Variants in ADGRA3 observed in about 807,000 individuals in gnomAD.
ADGRA3 encodes adhesion G protein-coupled receptor A3, also known as G-protein coupled receptor 125.
ADGRA3 carries 56 observed loss-of-function variants against 119.8 expected under a neutral mutation model. That is an observed-to-expected ratio of 0.47 (90% CI 0.38 to 0.58). The LOEUF (loss-of-function observed/expected upper bound fraction) is 0.58, where lower values mean the gene tolerates loss of function less well. ADGRA3 is among the 20% of genes least tolerant of loss of function. ADGRA3 has a pLI of 0.00. For missense variants in ADGRA3, 1,516 were observed against 1,649.0 expected (o/e 0.92, Z 1.40); for synonymous variants, 607 against 623.8 (o/e 0.97, Z 0.40).
At chr4:22,438,791 C>T (rs1014289500) in intron 7 of ADGRA3, among the ~76,000 whole-genome samples, 1 of 151,998 alleles carries the variant, frequency 6.6e-6, no homozygotes, top group Admixed American at 6.6e-5. Flanking sequence ...CAAGACCAGC[C>T]CAGCCTTCAA....
rs1306324126 is a variant in ADGRA3, at chr4:22,392,406, C to T, written c.2627+139G>A. 7 of 922,082 alleles carry T rather than the reference C, an allele frequency of 7.6e-6. No homozygotes were observed. The African/African-American group carries it at 1.2e-4, about 15-fold the overall frequency. The allele number at this position is 922,082 out of a possible 1,614,324, so 57.1% of individuals were successfully genotyped here. ...ACTCGCAGCGGGAAGGATGCCTGAG[C>T]CATTTTCAAAACCAGGCAGTCCTGC... is the stretch of plus-strand genomic sequence containing the variant. On this transcript the variant is annotated intron_variant, in intron 17 of 18. Transcript: ENST00000334304.
chr4:22,406,563 G>GT (rs1714936811), intron 14 of ADGRA3, among the ~76,000 whole-genome samples: 1 of 152,050 alleles, frequency 6.6e-6, no homozygotes, highest in Admixed American at 6.6e-5. Flanking sequence ...ACTAGTGATT[G>GT]TGAGATTTTT....
chr4:22,396,903 G>A (rs188423194), intron 16 of ADGRA3, among the ~76,000 whole-genome samples: 4 of 152,210 alleles, frequency 2.6e-5, no homozygotes, highest in Admixed American at 6.5e-5. Context: ...TTACAACAGC[G>A]TCTTTCCATT....
intron 1 of ADGRA3, among the ~76,000 whole-genome samples, chr4:22,489,187 C>T (rs1018533160): frequency 2.0e-5 from 3 of 152,118 alleles, no homozygotes; most frequent in Non-Finnish European, 2.9e-5. Context: ...CCAAGCAACA[C>T]GGGAAGCCCC....
At chr4:22,484,889 T>A (rs1304442081) in intron 1 of ADGRA3, among the ~76,000 whole-genome samples, 1 of 152,238 alleles carries the variant, frequency 6.6e-6, no homozygotes, top group East Asian at 1.9e-4. Context: ...TTTTTCTCCA[T>A]CTGCTCCTTA....
intron 1 of ADGRA3, among the ~76,000 whole-genome samples, chr4:22,488,083 G>A (rs559407654): frequency 3.4e-4 from 51 of 152,220 alleles, no homozygotes; most frequent in Non-Finnish European, 7.1e-4. Context: ...CCATAGACAG[G>A]GATAATGGTG....
chr4:22,471,404 A>G (rs989664972), intron 2 of ADGRA3, among the ~76,000 whole-genome samples: 6 of 151,964 alleles, frequency 3.9e-5, no homozygotes, highest in African/African-American at 1.2e-4. Context: ...GGTACAACAA[A>G]CCCTCATGAC....
At chr4:22,391,196 T>A (rs879690136) in intron 17 of ADGRA3, among the ~76,000 whole-genome samples, 2 of 152,042 alleles carry the variant, frequency 1.3e-5, no homozygotes, top group Non-Finnish European at 2.9e-5. Flanking sequence ...TGTCTCCTGC[T>A]CCTCCTAGAC....
intron 10 of ADGRA3, among the ~76,000 whole-genome samples, chr4:22,427,826 G>A (rs1341460590): frequency 6.6e-6 from 1 of 152,134 alleles, no homozygotes; most frequent in African/African-American, 2.4e-5. Flanking sequence ...CTCATTCCCC[G>A]AAGGCCACTC....
intron 14 of ADGRA3, among the ~76,000 whole-genome samples, chr4:22,408,131 C>T (rs931262238): frequency 6.6e-6 from 1 of 151,994 alleles, no homozygotes; most frequent in Non-Finnish European, 1.5e-5. Context: ...TTCTCCCTAC[C>T]TCACATCATC....
chr4:22,430,937 C>G (rs1336502078), intron 10 of ADGRA3, among the ~76,000 whole-genome samples: 1 of 152,222 alleles, frequency 6.6e-6, no homozygotes. Context: ...GCTTGGGCTG[C>G]TGCTTCACAG....
chr4:22,483,905 A>G (rs756049489), intron 1 of ADGRA3, among the ~76,000 whole-genome samples: 6 of 152,198 alleles, frequency 3.9e-5, no homozygotes, highest in Non-Finnish European at 7.3e-5. Flanking sequence ...ATAGAGAACT[A>G]TCATTCAAGC....
intron 16 of ADGRA3, among the ~76,000 whole-genome samples, chr4:22,396,744 C>T (rs535355469): frequency 4.3e-5 from 6 of 140,698 alleles, no homozygotes; most frequent in South Asian, 2.5e-4. Context: ...TAGAAGAGAA[C>T]GACAATGAAA....
Position 22,486,648 on chromosome 4 carries a change from G to C in ADGRA3, c.258-12805C>G, listed in dbSNP as rs147740111. 2.6e-5 allele frequency among the ~76,000 whole-genome samples: 4 copies of C among 152,246 alleles called. No homozygotes were observed. The East Asian group carries it at 7.7e-4, about 29-fold the overall frequency. On this transcript the variant is annotated intron_variant, in intron 1 of 18. Coordinates refer to ENST00000334304, the MANE Select transcript of ADGRA3 (RefSeq NM_145290.4). The stretch of plus-strand genomic sequence containing the variant: ...GGGTGAGGATGTGGTTCAGTGCCCT[G>C]GCTGGCAACTCTAACCTATTTTGTA...
At chr4:22,426,950 T>A (rs1002712166) in intron 10 of ADGRA3, among the ~76,000 whole-genome samples, 1 of 152,206 alleles carries the variant, frequency 6.6e-6, no homozygotes, top group Non-Finnish European at 1.5e-5. Context: ...AAGAAGGGTA[T>A]TGACTCTTGC....
chr4:22,476,330 G>GT (rs1432090645), intron 1 of ADGRA3, among the ~76,000 whole-genome samples: 6 of 152,092 alleles, frequency 3.9e-5, no homozygotes, highest in Non-Finnish European at 8.8e-5. Context: ...CTGACAAAAG[G>GT]TATTTCCAGC....
chr4:22,409,846 AC>A (rs1715118388), intron 14 of ADGRA3, among the ~76,000 whole-genome samples: 1 of 152,216 alleles, frequency 6.6e-6, no homozygotes, highest in Non-Finnish European at 1.5e-5. Flanking sequence ...GGTCTCCTCA[AC>A]AATACGCGAG....
chr4:22,492,170 G>A (rs1332667127), intron 1 of ADGRA3, among the ~76,000 whole-genome samples: 4 of 152,058 alleles, frequency 2.6e-5, no homozygotes, highest in South Asian at 2.1e-4. Context: ...GCAGGAATGC[G>A]GAGGCGAAAA....
At chr4:22,447,324 C>A in intron 5 of ADGRA3, 116 bp downstream of exon 5, 2 of 658,116 alleles carry the variant, frequency 3.0e-6, no homozygotes, top group Non-Finnish European at 5.2e-6. Context: ...TCAAGTGAGA[C>A]TCTACCTTGA....
Sources: gnomAD v4.1 joint callset for allele counts (sites outside exome capture counted in the v4.1 genomes callset) on GRCh38, gnomAD v4.1.1 for gene constraint, MANE v1.5 for transcripts, NCBI Gene and HGNC (gene_info 2026-07-23, HGNC 2026-07-21) for gene names.